The following DNAI4 variants were observed in gnomAD, a reference collection of about 807,000 sequenced individuals.
The protein encoded by DNAI4 is dynein axonemal intermediate chain 4.
Under a neutral mutation model 105.8 loss-of-function variants are expected in DNAI4, and 85 were observed. The observed-to-expected ratio is 0.80, with a 90% CI of 0.67 to 0.96. The LOEUF is 0.96. Ranked by LOEUF, DNAI4 falls within the 40% of genes least tolerant of loss-of-function variation. The pLI, the probability that DNAI4 is intolerant of heterozygous loss-of-function variation, is 0.00. For missense variants in DNAI4, 1,014 were observed against 1,005.6 expected, an observed-to-expected ratio of 1.01 and a Z score of -0.11; for synonymous variants, 352 against 331.5, an observed-to-expected ratio of 1.06 and a Z score of -0.67.
chr1:66,886,766 C>T (rs1320540636), intron 4 of DNAI4, among the ~76,000 whole-genome samples: 2 of 152,084 alleles, frequency 1.3e-5, no homozygotes, highest in African/African-American at 2.4e-5. Flanking sequence ...TTCAAGGGCA[C>T]GGTTGTCTTA....
At chr1:66,869,623 A>C (rs1430815529) in intron 6 of DNAI4, among the ~76,000 whole-genome samples, 2 of 152,204 alleles carry the variant, frequency 1.3e-5, no homozygotes, top group East Asian at 3.8e-4. Flanking sequence ...TTCTGGGTCC[A>C]TCCAAGTTTG....
intron 16 of DNAI4, among the ~76,000 whole-genome samples, chr1:66,814,584 G>A (rs1645477989): frequency 6.6e-6 from 1 of 152,098 alleles, no homozygotes; most frequent in African/African-American, 2.4e-5. Context: ...TAGCTAGGAT[G>A]GTCTCGATCT....
rs186424964 is a variant in DNAI4 at position 66,875,200 on chromosome 1, A to G, written c.644-263T>C. Among the ~76,000 whole-genome samples, 10 of 152,276 alleles carry G rather than the reference A, an allele frequency of 6.6e-5. No individual in the cohort carries two copies. The South Asian group carries it at 8.3e-4, about 13-fold the overall frequency. ...GTCATAACTCTAAGGGTATTCCATT[A>G]TAACTATCCCACAATATTAATTGGG... is the stretch of plus-strand genomic sequence containing the variant. On this transcript the variant is annotated intron_variant, in intron 4 of 16. Coordinates refer to ENST00000371026, the MANE Select transcript of DNAI4 (RefSeq NM_024763.5).
At chr1:66,847,107 G>A (rs1315903850) in intron 8 of DNAI4, among the ~76,000 whole-genome samples, 3 of 152,142 alleles carry the variant, frequency 2.0e-5, no homozygotes, top group Non-Finnish European at 2.9e-5. Flanking sequence ...AGGAAGTTTT[G>A]AATCTAAGAC....
chr1:66,826,147 CCTT>C (rs538508548), intron 15 of DNAI4, among the ~76,000 whole-genome samples: 20 of 152,164 alleles, frequency 1.3e-4, no homozygotes, highest in African/African-American at 4.3e-4. Flanking sequence ...TTACTTTGTC[CCTT>C]TTTTCTACTG....
At position 66,851,287 on chromosome 1, in the gene DNAI4, T is replaced by C. The variant is rs181012713; in HGVS notation, c.1097-3609A>G. Among the ~76,000 whole-genome samples the C allele has an allele frequency of 4.6e-5, 7 of 151,872 alleles. No individual in the cohort carries two copies. The South Asian group carries it at 1.0e-3, about 23-fold the overall frequency. On this transcript the variant is annotated intron_variant, in intron 7 of 16. Transcript: ENST00000371026. ...ATGTCATGATTGTACCAAGAAGACA[T>C]AGCAATAATTAATGTTTATGCAAAA...
intron 5 of DNAI4, 24 bp downstream of exon 5, chr1:66,874,757 T>C: frequency 6.3e-7 from 1 of 1,581,978 alleles, no homozygotes; most frequent in Non-Finnish European, 8.5e-7. Flanking sequence ...ACAGAAACAA[T>C]GTAGACAACT....
intron 2 of DNAI4, chr1:66,904,859 T>A (rs778006028): frequency 9.1e-5 from 23 of 252,862 alleles, no homozygotes; most frequent in Admixed American, 3.8e-4. Flanking sequence ...GCAAAATAAC[T>A]GACTTTATGA....
chr1:66,834,484 T>C (rs1054094483), intron 11 of DNAI4, among the ~76,000 whole-genome samples: 2 of 152,114 alleles, frequency 1.3e-5, no homozygotes, highest in Non-Finnish European at 2.9e-5. Context: ...TCTTTCTGAC[T>C]TTTACTTTAT....
chr1:66,827,977 A>G (rs141313175), intron 13 of DNAI4, 67 bp from the exon 14 acceptor site: 94 of 1,013,708 alleles, frequency 9.3e-5, no homozygotes, highest in Middle Eastern at 2.2e-4. Context: ...ATAGAAGATT[A>G]GATATTTCTG....
intron 9 of DNAI4, 143 bp from the exon 10 acceptor site, chr1:66,837,939 C>G: frequency 1.3e-6 from 1 of 762,232 alleles, no homozygotes; most frequent in Non-Finnish European, 2.1e-6. Flanking sequence ...AGTACACCAT[C>G]TGTTTTTACT....
chr1:66,839,274 A>C (rs959413973), intron 9 of DNAI4, among the ~76,000 whole-genome samples: 2 of 152,144 alleles, frequency 1.3e-5, no homozygotes, highest in African/African-American at 2.4e-5. Context: ...CTCCCCAAAA[A>C]ATTAATTAAT....
intron 1 of DNAI4, among the ~76,000 whole-genome samples, chr1:66,915,299 A>G (rs550474677): frequency 4.5e-4 from 69 of 152,356 alleles, no homozygotes; most frequent in African/African-American, 1.5e-3. Context: ...TTTCAAAGCT[A>G]AACTATAAAC....
chr1:66,852,554 A>T (rs552127173), intron 7 of DNAI4, among the ~76,000 whole-genome samples: 3 of 152,302 alleles, frequency 2.0e-5, no homozygotes, highest in African/African-American at 7.2e-5. Context: ...AGGATAAAAG[A>T]GTTCTTCAAT....
intron 1 of DNAI4, among the ~76,000 whole-genome samples, chr1:66,907,506 T>C (rs1557980365): frequency 6.6e-6 from 1 of 152,162 alleles, no homozygotes; most frequent in Non-Finnish European, 1.5e-5. Flanking sequence ...CTTTTACAGA[T>C]TACGTTTAGG....
chr1:66,875,314 G>A (rs767593825), intron 4 of DNAI4, among the ~76,000 whole-genome samples: 1 of 152,154 alleles, frequency 6.6e-6, no homozygotes, highest in Non-Finnish European at 1.5e-5. Context: ...TTTGAGCCGT[G>A]AAGTTAACTT....
At chr1:66,850,061 A>C (rs1178117960) in intron 7 of DNAI4, among the ~76,000 whole-genome samples, 3 of 151,984 alleles carry the variant, frequency 2.0e-5, no homozygotes, top group Admixed American at 6.6e-5. Flanking sequence ...ATATTCAAGA[A>C]ATGAATAAAT....
In DNAI4 at chr1:66,867,089, C is replaced by G. The variant is rs182723258; in HGVS notation, c.940+4281G>C. On this transcript the variant is annotated intron_variant, in intron 6 of 16. Transcript: ENST00000371026. ...ATTCAATTATCTCCACCTCTTCCCT[C>G]TCACAACATGTAGGAATTATGGGGA... Among the ~76,000 whole-genome samples, 11 of 152,294 alleles carry G rather than the reference C, an allele frequency of 7.2e-5. No homozygotes were observed. The East Asian group carries it at 2.1e-3, about 29-fold the overall frequency.
Position 66,853,910 on chromosome 1 carries a change from GAT to G in DNAI4, c.1097-6234_1097-6233del, listed in dbSNP as rs781149681. On this transcript the variant is annotated intron_variant, in intron 7 of 16. Coordinates refer to ENST00000371026, the MANE Select transcript of DNAI4 (RefSeq NM_024763.5). The stretch of plus-strand genomic sequence containing the variant: ...AAGGAAATAAAAGGCATGTAGATCA[GAT>G]AGAAAAAAAATGATACTGTCCCTAA... Among the ~76,000 whole-genome samples the G allele has an allele frequency of 8.0e-4, 122 of 152,120 alleles. 2 individuals are homozygous for G. Among genetic ancestry groups the G allele is most frequent in the Non-Finnish European group, 2.1e-4 (14 of 68,014 alleles).
Sources: gnomAD v4.1 joint callset for allele counts (sites outside exome capture counted in the v4.1 genomes callset) on GRCh38, gnomAD v4.1.1 for gene constraint, MANE v1.5 for transcripts, NCBI Gene and HGNC (gene_info 2026-07-23, HGNC 2026-07-21) for gene names.